KDM4C: variants seen among roughly 807,000 people sequenced by gnomAD.
The protein encoded by KDM4C is lysine demethylase 4C, also known as lysine-specific demethylase 4C.
In KDM4C, 81 loss-of-function variants were observed where a neutral mutation model predicts 129.3. That is an observed-to-expected ratio of 0.63 (90% CI 0.52 to 0.75). The LOEUF (loss-of-function observed/expected upper bound fraction) is 0.75, where lower values mean the gene tolerates loss of function less well. Among genes scored for constraint, KDM4C ranks in the 30% least tolerant of loss-of-function variants. The pLI is 0.00. For synonymous variants in KDM4C, 573 were observed against 456.1 expected (o/e 1.26, Z -3.26); for missense variants, 1,457 against 1,304.0 (o/e 1.12, Z -1.81).
At chr9:7,106,079 A>G (rs1178470236) in intron 18 of KDM4C, among the ~76,000 whole-genome samples, 2 of 152,076 alleles carry the variant, frequency 1.3e-5, no homozygotes, top group African/African-American at 2.4e-5. Context: ...GTATTTCCCA[A>G]GTATATTTCT....
At chr9:7,032,499 T>C (rs1826944457) in intron 15 of KDM4C, among the ~76,000 whole-genome samples, 1 of 152,234 alleles carries the variant, frequency 6.6e-6, no homozygotes, top group African/African-American at 2.4e-5. Flanking sequence ...ACCTATGTGT[T>C]CAGAATAACT....
At chr9:7,063,464 G>A (rs940153754) in intron 17 of KDM4C, among the ~76,000 whole-genome samples, 3 of 152,156 alleles carry the variant, frequency 2.0e-5, no homozygotes, top group Non-Finnish European at 2.9e-5. Flanking sequence ...GATCAGAGCA[G>A]ATTAATGTTT....
intron 1 of KDM4C, among the ~76,000 whole-genome samples, chr9:6,775,240 C>G: frequency 6.6e-6 from 1 of 152,048 alleles, no homozygotes; most frequent in Admixed American, 6.6e-5. Context: ...TGGTCTTGAA[C>G]TCCTCACCTC....
chr9:7,076,462 A>G (rs1329497155), intron 17 of KDM4C: 3 of 1,544,966 alleles, frequency 1.9e-6, no homozygotes, highest in Non-Finnish European at 2.6e-6. Flanking sequence ...ACACAGCAAC[A>G]GTAACAACAA....
chr9:7,114,933 G>A (rs1347352396), intron 18 of KDM4C, among the ~76,000 whole-genome samples: 2 of 152,082 alleles, frequency 1.3e-5, no homozygotes, highest in Non-Finnish European at 1.5e-5. Context: ...ACTAAAATTA[G>A]CTGGTCGTGG....
intron 18 of KDM4C, among the ~76,000 whole-genome samples, chr9:7,117,097 A>G (rs1311183293): frequency 1.3e-5 from 2 of 152,216 alleles, no homozygotes; most frequent in Non-Finnish European, 2.9e-5. Flanking sequence ...GAGAGGTTCA[A>G]CAGTCTTCAA....
Position 6,734,545 on chromosome 9 carries a change from C to T in KDM4C, c.49+13548C>T, listed in dbSNP as rs565600699. 1.3e-4 allele frequency: 23 copies of T among 182,274 alleles called. No homozygotes were observed. The South Asian group carries it at 2.2e-3, about 18-fold the overall frequency. The allele number at this position is 182,274 out of a possible 1,614,324, so 11.3% of individuals were successfully genotyped here. On this transcript the variant is annotated intron_variant, in intron 1 of 17. Coordinates refer to the KDM4C transcript ENST00000536108. The stretch of plus-strand genomic sequence containing the variant: ...CTGATCTCAGGTGATCCTCCTGCCT[C>T]GGCCTCCCAAGGTGCTGGGATTACA...
chr9:7,007,780 A>C (rs992666663), intron 12 of KDM4C, among the ~76,000 whole-genome samples: 1 of 152,172 alleles, frequency 6.6e-6, no homozygotes, highest in African/African-American at 2.4e-5. Flanking sequence ...ACTGGAAATC[A>C]CACCAGGGAA....
chr9:7,083,002 A>G (rs192329545), intron 17 of KDM4C, among the ~76,000 whole-genome samples: 2 of 152,276 alleles, frequency 1.3e-5, no homozygotes, highest in East Asian at 1.9e-4. Context: ...TCTATTATCT[A>G]TTTTTATGAA....
At position 7,123,633 on chromosome 9, in the gene KDM4C, G is replaced by C. The variant is rs111270237; in HGVS notation, c.2611-4433G>C. On this transcript the variant is annotated intron_variant, in intron 18 of 21. Coordinates refer to ENST00000381309, the MANE Select transcript of KDM4C (RefSeq NM_015061.6). ...GGATAAAAAGACAAGTTCTGGCACT[G>C]ATTCGTAGAGTTTACCCTGTCATTA... Among the ~76,000 whole-genome samples, 394 of 152,340 alleles carry C rather than the reference G, an allele frequency of 2.6e-3. 1 individual carries two copies. The highest frequency in any genetic ancestry group is 9.1e-3 in the African/African-American group (377 of 41,584).
chr9:6,967,462 G>A (rs1443157585), intron 8 of KDM4C, among the ~76,000 whole-genome samples: 1 of 151,550 alleles, frequency 6.6e-6, no homozygotes, highest in Non-Finnish European at 1.5e-5. Context: ...TCTTGAGAAA[G>A]GAAGATATGC....
chr9:7,148,982 C>T (rs1434743190), intron 19 of KDM4C, among the ~76,000 whole-genome samples: 1 of 152,224 alleles, frequency 6.6e-6, no homozygotes, highest in Non-Finnish European at 1.5e-5. Context: ...CAGGCCATCC[C>T]TGGCTTGAAG....
Position 7,012,757 on chromosome 9 carries a change from G to C in KDM4C, c.1968+878G>C, listed in dbSNP as rs1374691428. 5.3e-4 allele frequency among the ~76,000 whole-genome samples: 80 copies of C among 152,096 alleles called. 1 individual carries two copies. The highest frequency in any genetic ancestry group is 1.0e-4 in the Non-Finnish European group (7 of 68,022). ...TATTTTTAGGAATCTCGTAAGGGTG[G>C]AACTATGTGGTTCATTTTAAGGTAC... is the stretch of plus-strand genomic sequence containing the variant. On this transcript the variant is annotated intron_variant, in intron 13 of 21. Transcript: ENST00000381309.
At chr9:6,905,007 A>T (rs1026248553) in intron 8 of KDM4C, among the ~76,000 whole-genome samples, 1 of 152,258 alleles carries the variant, frequency 6.6e-6, no homozygotes, top group African/African-American at 2.4e-5. Flanking sequence ...TAACTGCAAT[A>T]ACCATAAAGG....
rs34614459 is a variant in KDM4C at position 7,102,309 on chromosome 9, C to CTTTT, written c.2425-1355_2425-1352dup. 4.4e-3 allele frequency among the ~76,000 whole-genome samples: 400 copies of CTTTT among 89,916 alleles called. 3 individuals are homozygous for CTTTT. Among genetic ancestry groups the CTTTT allele is most frequent in the Middle Eastern group, 0.012 (1 of 86 alleles). 59.0% of individuals were successfully genotyped at this position (89,916 alleles called of 152,430 possible). On this transcript the variant is annotated intron_variant, in intron 17 of 21. Transcript: ENST00000381309. ...TGGCTCTTGCACCTCATGGTTTTCC[C>CTTTT]TTTTTTTTTTTTTTTTTTTTTTTTG...
chr9:7,135,410 T>C (rs1175904622), intron 19 of KDM4C, among the ~76,000 whole-genome samples: 1 of 152,164 alleles, frequency 6.6e-6, no homozygotes, highest in Non-Finnish European at 1.5e-5. Context: ...AGGTATAGCA[T>C]TTCATCTTCA....
chr9:6,973,313 G>A (rs998319257), intron 8 of KDM4C, among the ~76,000 whole-genome samples: 1 of 152,162 alleles, frequency 6.6e-6, no homozygotes, highest in Non-Finnish European at 1.5e-5. Flanking sequence ...AAAGTGCTAG[G>A]ATTACAGGCG....
intron 8 of KDM4C, among the ~76,000 whole-genome samples, chr9:6,934,885 C>CTT (rs146928773): frequency 2.0e-3 from 297 of 148,550 alleles, no homozygotes; most frequent in African/African-American, 6.9e-3. Context: ...AATAATATTT[C>CTT]TTTTTTTTTT....
chr9:6,722,616 T>G (rs188562677), intron 1 of KDM4C, among the ~76,000 whole-genome samples: 2 of 151,660 alleles, frequency 1.3e-5, no homozygotes, highest in Admixed American at 6.6e-5. Flanking sequence ...CAGGTTCAAG[T>G]GATTCTCCTG....
Sources: gnomAD v4.1 joint callset for allele counts (sites outside exome capture counted in the v4.1 genomes callset) on GRCh38, gnomAD v4.1.1 for gene constraint, MANE v1.5 for transcripts, NCBI Gene and HGNC (gene_info 2026-07-23, HGNC 2026-07-21) for gene names.